The following CSTPP1 variants were observed in gnomAD, a reference collection of about 807,000 sequenced individuals.
CSTPP1 encodes the protein UPF0705 protein C11orf49.
At chr11:47,125,577 T>A in the CSTPP1 span, among the ~76,000 whole-genome samples, 1 of 152,256 alleles carries the variant, frequency 6.6e-6, no homozygotes, top group South Asian at 2.1e-4. Context: ...TGTGGCTGCT[T>A]TGGACAGTGG....
At chr11:47,161,885 T>C in the CSTPP1 span, 4 of 1,291,788 alleles carry the variant, frequency 3.1e-6, no homozygotes, top group Non-Finnish European at 3.9e-6. Flanking sequence ...GCTGACAGAC[T>C]GTGCTGAGGC....
chr11:46,987,247 G>A, the CSTPP1 span: 12 of 1,614,150 alleles, frequency 7.4e-6, no homozygotes, highest in Non-Finnish European at 1.0e-5. Context: ...GATGCAGTGT[G>A]CCAGCTGCTA....
chr11:47,005,779 T>C, the CSTPP1 span, among the ~76,000 whole-genome samples: 1 of 152,162 alleles, frequency 6.6e-6, no homozygotes. Flanking sequence ...AATATAAAAT[T>C]CCATGTTACA....
the CSTPP1 span, among the ~76,000 whole-genome samples, chr11:46,982,554 A>G: frequency 6.6e-6 from 1 of 152,164 alleles, no homozygotes; most frequent in South Asian, 2.1e-4. Context: ...TGTGAAATAA[A>G]CAACTAATGC....
At chr11:47,052,648 C>T in the CSTPP1 span, 28 of 1,289,168 alleles carry the variant, frequency 2.2e-5, no homozygotes, top group East Asian at 6.5e-4. Context: ...TCTTTTGTTC[C>T]TATAAATATT....
chr11:47,039,664 C>T, the CSTPP1 span, among the ~76,000 whole-genome samples: 1 of 127,652 alleles, frequency 7.8e-6, no homozygotes, highest in South Asian at 2.5e-4. Context: ...TGATGAAACC[C>T]CGTCTCTACT....
chr11:47,090,270 C>A, the CSTPP1 span, among the ~76,000 whole-genome samples: 1 of 152,202 alleles, frequency 6.6e-6, no homozygotes, highest in African/African-American at 2.4e-5. Context: ...CAGGCGTGAG[C>A]CACTGCACCT....
At chr11:46,979,805 C>A in the CSTPP1 span, among the ~76,000 whole-genome samples, 1 of 152,070 alleles carries the variant, frequency 6.6e-6, no homozygotes, top group Non-Finnish European at 1.5e-5. Context: ...CCCACCTACT[C>A]AGGAGGCTGA....
the CSTPP1 span, among the ~76,000 whole-genome samples, chr11:46,976,224 G>A: frequency 6.6e-6 from 1 of 152,158 alleles, no homozygotes; most frequent in Non-Finnish European, 1.5e-5. Context: ...CTGTGAGAAA[G>A]CATTTGTAGC....
the CSTPP1 span, among the ~76,000 whole-genome samples, chr11:47,104,736 A>G: frequency 2.6e-5 from 4 of 152,168 alleles, no homozygotes; most frequent in Non-Finnish European, 5.9e-5. Context: ...GGCTCTAATC[A>G]CAAGAAGCAG....
At chr11:47,017,333 C>T in the CSTPP1 span, among the ~76,000 whole-genome samples, 1 of 152,020 alleles carries the variant, frequency 6.6e-6, no homozygotes, top group South Asian at 2.1e-4. Flanking sequence ...TGCCACCACG[C>T]CCAGCTAATT....
the CSTPP1 span, among the ~76,000 whole-genome samples, chr11:46,972,525 A>G: frequency 9.9e-5 from 15 of 152,158 alleles, no homozygotes; most frequent in African/African-American, 1.7e-4. Context: ...TACAGTGTAC[A>G]CTTTCTGAAG....
chr11:47,116,212 T>G, the CSTPP1 span, among the ~76,000 whole-genome samples: 1 of 152,212 alleles, frequency 6.6e-6, no homozygotes, highest in African/African-American at 2.4e-5. Flanking sequence ...CTTTTACATT[T>G]GCTGAGGAGT....
the CSTPP1 span, among the ~76,000 whole-genome samples, chr11:47,100,042 A>G: frequency 6.6e-6 from 1 of 152,198 alleles, no homozygotes; most frequent in African/African-American, 2.4e-5. Context: ...CCACCACACC[A>G]TGCTTTCCTA....
the CSTPP1 span, among the ~76,000 whole-genome samples, chr11:47,070,452 T>C: frequency 3.9e-5 from 6 of 152,202 alleles, no homozygotes; most frequent in Non-Finnish European, 8.8e-5. Flanking sequence ...ACAGATTCCT[T>C]GATCCCACCT....
At chr11:47,105,851 T>A in the CSTPP1 span, among the ~76,000 whole-genome samples, 1 of 152,338 alleles carries the variant, frequency 6.6e-6, no homozygotes, top group East Asian at 1.9e-4. Context: ...TGTCCTCCAG[T>A]TTCAAGGGAC....
the CSTPP1 span, among the ~76,000 whole-genome samples, chr11:47,051,691 C>CTTTTTT: frequency 7.5e-6 from 1 of 133,024 alleles, no homozygotes; most frequent in African/African-American, 2.8e-5. Flanking sequence ...TATCTTTTTT[C>CTTTTTT]TTTTTTTTTT....
the CSTPP1 span, among the ~76,000 whole-genome samples, chr11:47,011,207 CTG>C: frequency 6.6e-6 from 1 of 152,112 alleles, no homozygotes; most frequent in Non-Finnish European, 1.5e-5. Context: ...TCAAAAAAAA[CTG>C]TGAATTATCC....
chr11:46,945,828 C>T, the CSTPP1 span, among the ~76,000 whole-genome samples: 1 of 151,976 alleles, frequency 6.6e-6, no homozygotes, highest in African/African-American at 2.4e-5. Flanking sequence ...CATAAATGAC[C>T]ATAACATAAA....
Sources: gnomAD v4.1 joint callset for allele counts (sites outside exome capture counted in the v4.1 genomes callset) on GRCh38, gnomAD v4.1.1 for gene constraint, MANE v1.5 for transcripts, NCBI Gene and HGNC (gene_info 2026-07-23, HGNC 2026-07-21) for gene names.